The following PLEKHA8 variants were observed in gnomAD, a reference collection of about 807,000 sequenced individuals.
PLEKHA8 encodes pleckstrin homology domain-containing family A member 8.
Under a neutral mutation model 68.2 loss-of-function variants are expected in PLEKHA8, and 36 were observed. That is an observed-to-expected ratio of 0.53 (90% CI 0.40 to 0.70). The LOEUF (loss-of-function observed/expected upper bound fraction) is 0.70. Among genes scored for constraint, PLEKHA8 ranks in the 30% least tolerant of loss-of-function variants. The pLI, the probability that PLEKHA8 is intolerant of heterozygous loss-of-function variation, is 0.00. For synonymous variants in PLEKHA8, 211 were observed against 216.1 expected, an observed-to-expected ratio of 0.98 and a Z score of 0.20; for missense variants, 505 against 615.4, an observed-to-expected ratio of 0.82 and a Z score of 1.90.
At chr7:30,101,433 C>T (rs994965755) in intron 13 of PLEKHA8, among the ~76,000 whole-genome samples, 3 of 151,200 alleles carry the variant, frequency 2.0e-5, no homozygotes, top group Non-Finnish European at 3.0e-5. Flanking sequence ...AAACCGTGGT[C>T]GGGTTCTGGT....
At chr7:30,101,405 G>T (rs1795848662) in intron 13 of PLEKHA8, among the ~76,000 whole-genome samples, 1 of 146,124 alleles carries the variant, frequency 6.8e-6, no homozygotes, top group Non-Finnish European at 1.5e-5. Context: ...TGAGATCGTG[G>T]TGCCAGCATG....
chr7:30,070,578 A>G lies in PLEKHA8; in HGVS notation c.1301-3493A>G, dbSNP rs558593246. 5.6e-5 allele frequency among the ~76,000 whole-genome samples: 8 copies of G among 142,756 alleles called. No homozygotes were observed. The East Asian group carries it at 1.2e-3, about 22-fold the overall frequency. The allele number at this position is 142,756 out of a possible 152,430, so 93.7% of individuals were successfully genotyped here. A position where few individuals can be genotyped will look rare whatever the true frequency, so the allele number is the denominator to read the frequency against. On this transcript the variant is annotated intron_variant, in intron 12 of 13. Coordinates refer to ENST00000449726, the MANE Select transcript of PLEKHA8 (RefSeq NM_001197026.2). The stretch of plus-strand genomic sequence containing the variant: ...TTTTTTTTTTTGAGACAGAGTTTCT[A>G]TGTCGCCCTGGCTGCTGGACTGCAG...
At chr7:30,052,977 G>T in intron 7 of PLEKHA8, 111 bp downstream of exon 7, 1 of 838,286 alleles carries the variant, frequency 1.2e-6, no homozygotes, top group Admixed American at 3.8e-5. Context: ...AGTAGTGTCT[G>T]CTAAGGAGGA....
intron 9 of PLEKHA8, among the ~76,000 whole-genome samples, chr7:30,060,180 G>A (rs533061659): frequency 6.6e-6 from 1 of 152,152 alleles, no homozygotes; most frequent in Non-Finnish European, 1.5e-5. Flanking sequence ...GGTGGCTCAC[G>A]CCTGTAATCC....
At chr7:30,048,858 T>A (rs1298764140) in intron 4 of PLEKHA8, among the ~76,000 whole-genome samples, 4 of 152,068 alleles carry the variant, frequency 2.6e-5, no homozygotes, top group Admixed American at 2.6e-4. Context: ...GGAGGGAAGA[T>A]GAAGGATACC....
At chr7:30,116,187 C>T (rs1002737892) in intron 13 of PLEKHA8, among the ~76,000 whole-genome samples, 6 of 148,496 alleles carry the variant, frequency 4.0e-5, no homozygotes, top group Admixed American at 2.0e-4. Context: ...TGTATACATA[C>T]GCATACATAC....
chr7:30,086,533 C>T (rs969205799), downstream of PLEKHA8, among the ~76,000 whole-genome samples: 1 of 152,194 alleles, frequency 6.6e-6, no homozygotes, highest in Non-Finnish European at 1.5e-5. Context: ...GTCCCAACTT[C>T]CAGTGGGTAG....
chr7:30,103,161 G>A (rs193240551), intron 13 of PLEKHA8, among the ~76,000 whole-genome samples: 5 of 152,072 alleles, frequency 3.3e-5, no homozygotes, highest in African/African-American at 9.7e-5. Context: ...TTTCTGTTTC[G>A]AATAACAAAA....
chr7:30,129,242 C>T, intron 13 of PLEKHA8: 1 of 1,612,838 alleles, frequency 6.2e-7, no homozygotes, highest in South Asian at 1.1e-5. Flanking sequence ...TTCCTCTGTC[C>T]TTCCCTCTTT....
At chr7:30,104,534 A>G (rs557227764) in intron 13 of PLEKHA8, among the ~76,000 whole-genome samples, 48 of 152,328 alleles carry the variant, frequency 3.2e-4, no homozygotes, top group African/African-American at 9.9e-4. Context: ...CCAGCAGCTT[A>G]GATGAACCCC....
chr7:30,067,036 T>TTGGCTGGCAGCAC (rs1230526930), intron 12 of PLEKHA8, among the ~76,000 whole-genome samples: 10 of 152,204 alleles, frequency 6.6e-5, no homozygotes, highest in Non-Finnish European at 1.3e-4. Flanking sequence ...ACTGGCAGGA[T>TTGGCTGGCAGCAC]TGGCTGGCAG....
At chr7:30,092,885 C>G (rs1014186827), downstream of PLEKHA8, among the ~76,000 whole-genome samples, 1 of 152,188 alleles carries the variant, frequency 6.6e-6, no homozygotes, top group Non-Finnish European at 1.5e-5. Flanking sequence ...AGTCCTGAAT[C>G]AAGTCATGCC....
At chr7:30,115,589 T>C (rs956037694) in intron 13 of PLEKHA8, among the ~76,000 whole-genome samples, 4 of 126,098 alleles carry the variant, frequency 3.2e-5, no homozygotes, top group African/African-American at 1.1e-4. Flanking sequence ...CGTATACATG[T>C]AGACATGTAT....
At chr7:30,111,051 C>T (rs998233989) in intron 13 of PLEKHA8, among the ~76,000 whole-genome samples, 5 of 151,922 alleles carry the variant, frequency 3.3e-5, no homozygotes, top group African/African-American at 1.2e-4. Context: ...ACTACAGGCA[C>T]ACACCACCAT....
intron 5 of PLEKHA8, among the ~76,000 whole-genome samples, chr7:30,049,787 C>G (rs1447164455): frequency 1.3e-5 from 2 of 152,162 alleles, no homozygotes; most frequent in Non-Finnish European, 2.9e-5. Flanking sequence ...TTCTTAACCC[C>G]TTCCCACATT....
At chr7:30,115,536 A>G (rs939224547) in intron 13 of PLEKHA8, among the ~76,000 whole-genome samples, 1 of 146,176 alleles carries the variant, frequency 6.8e-6, no homozygotes, top group Non-Finnish European at 1.5e-5. Flanking sequence ...ATGTAGACAT[A>G]TGTACACATG....
downstream of PLEKHA8, among the ~76,000 whole-genome samples, chr7:30,095,742 T>A (rs1795590299): frequency 6.6e-6 from 1 of 152,242 alleles, no homozygotes; most frequent in Non-Finnish European, 1.5e-5. Flanking sequence ...TTTCTACATA[T>A]GGCTAGCCAG....
At chr7:30,114,386 G>A (rs1796362620) in intron 13 of PLEKHA8, among the ~76,000 whole-genome samples, 1 of 152,220 alleles carries the variant, frequency 6.6e-6, no homozygotes, top group South Asian at 2.1e-4. Context: ...ACACACCCAA[G>A]GTCACCCAGG....
In PLEKHA8 at chr7:30,055,351, C is replaced by G; in HGVS notation, c.1039+9C>G. Reference sequence around the variant, plus strand: ...TGTGGTTCCAGTATTAGGTAAGATTCCTGCAGTTGCCTTACATTCATTCAT... The same window carrying G: ...TGTGGTTCCAGTATTAGGTAAGATTGCTGCAGTTGCCTTACATTCATTCAT... On this transcript the variant is annotated intron_variant, in intron 9 of 13. Transcript: ENST00000449726. 1 of 1,610,342 alleles carries G rather than the reference C, an allele frequency of 6.2e-7. No homozygotes were observed. The highest frequency in any genetic ancestry group is 1.3e-5 in the African/African-American group (1 of 74,962).
Sources: allele counts gnomAD v4.1 joint callset (sites outside exome capture counted in the v4.1 genomes callset), GRCh38; gene constraint gnomAD v4.1.1; transcripts MANE v1.5; gene names NCBI Gene and HGNC (gene_info 2026-07-23, HGNC 2026-07-21).